The following BICRA variants were observed in gnomAD, a reference collection of about 807,000 sequenced individuals.
BICRA encodes BRD4 interacting chromatin remodeling complex associated protein.
Under a neutral mutation model 96.9 loss-of-function variants are expected in BICRA, and 31 were observed. That is an observed-to-expected ratio of 0.32 (90% CI 0.24 to 0.43). The LOEUF (loss-of-function observed/expected upper bound fraction) is 0.43, where lower values mean the gene tolerates loss of function less well. Ranked by LOEUF, BICRA falls within the 20% of genes least tolerant of loss-of-function variation. The probability of loss-of-function intolerance (pLI) is 1.00; values close to 1 mark genes in which losing one functional copy is unlikely to be tolerated. For missense variants in BICRA, 2,283 were observed against 2,190.3 expected (o/e 1.04, Z -0.84); for synonymous variants, 1,350 against 1,071.8 (o/e 1.26, Z -5.07).
At chr19:47,608,622 C>G (rs1971844231), upstream of BICRA, among the ~76,000 whole-genome samples, 1 of 152,038 alleles carries the variant, frequency 6.6e-6, no homozygotes, top group African/African-American at 2.4e-5. Context: ...AGGCAGTCGA[C>G]AAACTACACC....
Position 47,699,286 on chromosome 19 carries a change from C to G in BICRA, c.3493-17C>G, listed in dbSNP as rs1203655723. The G allele has an allele frequency of 2.7e-6, 4 of 1,481,364 alleles. No homozygotes were observed. The African/African-American group carries it at 5.6e-5, about 21-fold the overall frequency. The allele number at this position is 1,481,364 out of a possible 1,614,324, so 91.8% of individuals were successfully genotyped here. On this transcript the variant is annotated splice_polypyrimidine_tract_variant and intron_variant, in intron 13 of 14. Coordinates refer to ENST00000594866, the MANE Select transcript of BICRA (RefSeq NM_001394372.1). The surrounding 1 kb of genome is among the most constrained non-coding windows in gnomAD (Gnocchi z 5.0). ...TCTTGCTGGTTCACTCGCACGTCGT[C>G]TTTTCCCCCACCCCAGAGGGTGAGC... is the stretch of plus-strand genomic sequence containing the variant.
chr19:47,626,242 G>A (rs1376854188), intron 1 of BICRA: 1 of 152,264 alleles, frequency 6.6e-6, no homozygotes, highest in Admixed American at 6.6e-5. Context: ...AGGACTGGAG[G>A]AGGTAGGTGC....
chr19:47,678,736 G>GTT (rs112732019), intron 5 of BICRA, among the ~76,000 whole-genome samples: 10 of 151,304 alleles, frequency 6.6e-5, no homozygotes, highest in Admixed American at 4.6e-4. Flanking sequence ...TTGAACAGTA[G>GTT]TTTTTTTTAT....
chr19:47,610,727 G>A (rs879516635), intron 1 of BICRA, among the ~76,000 whole-genome samples: 3 of 151,910 alleles, frequency 2.0e-5, no homozygotes, highest in Non-Finnish European at 4.4e-5. Flanking sequence ...AACATCCAAG[G>A]CATCAAGGCC....
At chr19:47,619,344 G>A (rs1339814668) in intron 1 of BICRA, among the ~76,000 whole-genome samples, 4 of 150,636 alleles carry the variant, frequency 2.7e-5, no homozygotes, top group East Asian at 3.9e-4. Context: ...TGCAACCTCC[G>A]CCTCCCGGGT....
At position 47,694,316 on chromosome 19, in the gene BICRA, C is replaced by G; in HGVS notation, c.2485C>G (p.Pro829Ala). The G allele has an allele frequency of 8.5e-7, 1 of 1,171,142 alleles. No homozygotes were observed. Among genetic ancestry groups the G allele is most frequent in the Non-Finnish European group, 1.2e-6 (1 of 809,416 alleles). The allele number at this position is 1,171,142 out of a possible 1,614,324, so 72.5% of individuals were successfully genotyped here. Residue 829 changes from proline to alanine, a missense_variant, in exon 8 of 15, where the codon CCA (proline) becomes GCA (alanine). Physicochemically the swap from Pro to Ala is conservative, Grantham distance 27. Coordinates refer to ENST00000594866, the MANE Select transcript of BICRA (RefSeq NM_001394372.1). ...LHPCPPPQAP[P>A]TLPGIFVIQN... ...CCCTTGCCCCCCACCCCAGGCCCCC[C>G]CAACTCTGCCTGGCATCTTTGTCAT... is the stretch of plus-strand genomic sequence containing the variant.
chr19:47,692,986 T>A (rs1973263460), intron 7 of BICRA, among the ~76,000 whole-genome samples: 1 of 152,180 alleles, frequency 6.6e-6, no homozygotes, highest in South Asian at 2.1e-4. Flanking sequence ...TCTGGACCAG[T>A]TTTGGAGCCT....
At chr19:47,695,732 G>T (rs1469806499) in intron 10 of BICRA, among the ~76,000 whole-genome samples, 1 of 152,116 alleles carries the variant, frequency 6.6e-6, no homozygotes, top group African/African-American at 2.4e-5. Context: ...CAGTGTAAGG[G>T]ACTATGACTG....
chr19:47,615,430 C>T (rs1002552049), intron 1 of BICRA, among the ~76,000 whole-genome samples: 4 of 152,218 alleles, frequency 2.6e-5, no homozygotes, highest in Non-Finnish European at 1.5e-5. Context: ...CTTCCTCCTG[C>T]TTATGGCCTG....
chr19:47,611,040 A>G (rs1971898877), intron 1 of BICRA, among the ~76,000 whole-genome samples: 2 of 152,204 alleles, frequency 1.3e-5, no homozygotes, highest in African/African-American at 4.8e-5. Flanking sequence ...GACGGGACAG[A>G]CATTCCCGTT....
intron 1 of BICRA, among the ~76,000 whole-genome samples, chr19:47,655,959 G>A (rs1972610480): frequency 6.6e-6 from 1 of 151,818 alleles, no homozygotes; most frequent in African/African-American, 2.4e-5. Context: ...GTGAGGCTGG[G>A]CATGGTAGCT....
chr19:47,675,702 T>C lies in BICRA; in HGVS notation c.85-149T>C, dbSNP rs1972929877. On this transcript the variant is annotated intron_variant, in intron 4 of 14. Coordinates refer to ENST00000594866, the MANE Select transcript of BICRA (RefSeq NM_001394372.1). This position sits in a 1 kb window ranked among gnomAD's most constrained non-coding sequence, Gnocchi z 4.7. ...CCAAGCCCCTGCCTTTGGGGCCTCT[T>C]TTCGGAGGCGAGAGTTTCCCATACC... is the stretch of plus-strand genomic sequence containing the variant. 1.5e-6 allele frequency: 1 copy of C among 676,690 alleles called. No individual in the cohort carries two copies. The highest frequency in any genetic ancestry group is 1.8e-5 in the African/African-American group (1 of 55,660). The allele number at this position is 676,690 out of a possible 1,614,324, so 41.9% of individuals were successfully genotyped here.
chr19:47,682,017 C>G lies in BICRA; in HGVS notation c.2148C>G (p.Leu716=). Residue 716 remains leucine, a synonymous_variant, in exon 7 of 15, where the codon CTC becomes CTG. Coordinates refer to ENST00000594866, the MANE Select transcript of BICRA (RefSeq NM_001394372.1). ...CCCTCTCCGCAGAGGGCCCCCACCTCTCCGTGCCTGCCTCGGTCATAGTCA... is the reference window on the plus strand; with the variant it reads ...CCCTCTCCGCAGAGGGCCCCCACCTGTCCGTGCCTGCCTCGGTCATAGTCA... ...QQPLSAEGPH[L]SVPASVIVSA... 1 of 1,572,020 alleles carries G rather than the reference C, an allele frequency of 6.4e-7. No homozygotes were observed. The highest frequency in any genetic ancestry group is 8.6e-7 in the Non-Finnish European group (1 of 1,162,956).
rs975334456 is a variant in BICRA at position 47,701,483 on chromosome 19, G to A, written c.3751G>A (p.Gly1251Ser). 1.9e-6 allele frequency: 3 copies of A among 1,549,564 alleles called. No homozygotes were observed. The highest frequency in any genetic ancestry group is 2.6e-6 in the Non-Finnish European group (3 of 1,147,662). ...GCCCACCAAGCTTGTGATCCGGCACGGCGGGGCAGGCGGCTCCCCTTCGGT... is the reference window on the plus strand; with the variant it reads ...GCCCACCAAGCTTGTGATCCGGCACAGCGGGGCAGGCGGCTCCCCTTCGGT... ...HLPTKLVIRH[G>S]GAGGSPSVTW... The change falls in exon 15 of 15, where the codon GGC becomes AGC. Residue 1251 changes from glycine (G) to serine (S), a missense_variant. By Grantham distance (56) the Gly-to-Ser change is moderately conservative. Coordinates refer to ENST00000594866, the MANE Select transcript of BICRA (RefSeq NM_001394372.1). This position sits in a 1 kb window ranked among gnomAD's most constrained non-coding sequence, Gnocchi z 5.4.
upstream of BICRA, chr19:47,608,307 G>C (rs999836774): frequency 3.9e-5 from 6 of 152,350 alleles, no homozygotes; most frequent in African/African-American, 1.4e-4. Context: ...CACGCCTGGG[G>C]TCCCGGCCTG....
chr19:47,686,058 G>A (rs949208965), intron 7 of BICRA, among the ~76,000 whole-genome samples: 6 of 151,502 alleles, frequency 4.0e-5, no homozygotes, highest in Non-Finnish European at 8.8e-5. Context: ...AGCCTCCCGA[G>A]TAGCTGGGAC....
chr19:47,702,373 C>T lies in BICRA; in HGVS notation c.4641C>T (p.Ser1547=), dbSNP rs764174123. ...PLHRPEAYPP[S]SHNGGLGART... The stretch of plus-strand genomic sequence containing the variant: ...ACAGGCCCGAGGCCTACCCACCCTC[C>T]AGTCACAACGGTGGCCTCGGCGCCA... Residue 1547 remains serine (S), a synonymous_variant, in exon 15 of 15, where the codon TCC becomes TCT. Coordinates refer to ENST00000594866, the MANE Select transcript of BICRA (RefSeq NM_001394372.1). 2.0e-5 allele frequency: 30 copies of T among 1,523,364 alleles called. No individual in the cohort carries two copies. In the African/African-American group the frequency reaches 2.1e-4, roughly 11 times the overall value. 94.4% of individuals were successfully genotyped at this position (1,523,364 alleles called of 1,614,324 possible).
At chr19:47,663,829 A>G (rs920306341) in intron 1 of BICRA, 4 of 151,898 alleles carry the variant, frequency 2.6e-5, no homozygotes, top group South Asian at 2.1e-4. Context: ...ATTGAAACCA[A>G]TTTCTCAAAT....
chr19:47,610,619 AC>A (rs1971891419), intron 1 of BICRA, among the ~76,000 whole-genome samples: 1 of 108,428 alleles, frequency 9.2e-6, no homozygotes, highest in Non-Finnish European at 2.0e-5. Flanking sequence ...CCCCCCCCCC[AC>A]ACACACACCT....
Sources: allele counts gnomAD v4.1 joint callset (sites outside exome capture counted in the v4.1 genomes callset), GRCh38; gene constraint gnomAD v4.1.1; non-coding constraint Gnocchi (gnomAD v3.1); transcripts MANE v1.5; gene names NCBI Gene and HGNC (gene_info 2026-07-23, HGNC 2026-07-21).